Variants in GALNT2 observed in about 807,000 individuals in gnomAD.
GALNT2 encodes polypeptide N-acetylgalactosaminyltransferase 2.
A neutral mutation model predicts 81.4 loss-of-function variants in GALNT2; 31 were observed. The ratio of observed to expected loss-of-function variants is 0.38; its 90% CI spans 0.29 to 0.51. The LOEUF (loss-of-function observed/expected upper bound fraction) is 0.51. Among genes scored for constraint, GALNT2 ranks in the 20% least tolerant of loss-of-function variants. GALNT2 has a pLI of 0.87. For missense variants in GALNT2, 629 were observed against 765.7 expected (o/e 0.82, Z 2.11); for synonymous variants, 303 against 287.4 (o/e 1.05, Z -0.55).
intron 3 of GALNT2, among the ~76,000 whole-genome samples, chr1:230,204,017 A>G (rs1663985700): frequency 6.6e-6 from 1 of 152,132 alleles, no homozygotes; most frequent in African/African-American, 2.4e-5. Context: ...TTTTATTTTT[A>G]TTTTTTGGTA....
In GALNT2 at chr1:230,257,391, T is replaced by G. The variant is rs539261659; in HGVS notation, c.1136+2047T>G. On this transcript the variant is annotated intron_variant, in intron 11 of 15. Coordinates refer to ENST00000366672, the MANE Select transcript of GALNT2 (RefSeq NM_004481.5). This position sits in a 1 kb window ranked among gnomAD's most constrained non-coding sequence, Gnocchi z 4.6. Reference sequence around the variant, plus strand: ...TACAGTCATGCACCTGTAACAGCGTTTCGGTCGGTGACAGTAGTCCCATAA... The same window carrying G: ...TACAGTCATGCACCTGTAACAGCGTGTCGGTCGGTGACAGTAGTCCCATAA... 1.2e-4 allele frequency among the ~76,000 whole-genome samples: 19 copies of G among 152,346 alleles called. No individual in the cohort carries two copies. The South Asian group carries it at 3.9e-3, about 32-fold the overall frequency.
chr1:230,131,706 G>C (rs1661373654), intron 1 of GALNT2, among the ~76,000 whole-genome samples: 1 of 152,224 alleles, frequency 6.6e-6, no homozygotes, highest in African/African-American at 2.4e-5. Flanking sequence ...GAGAGATAAG[G>C]CAGGGGCTTG....
chr1:230,097,345 C>T (rs1660281816), intron 1 of GALNT2, among the ~76,000 whole-genome samples: 1 of 152,126 alleles, frequency 6.6e-6, no homozygotes, highest in Non-Finnish European at 1.5e-5. Flanking sequence ...ACCGTACATC[C>T]ACGGAGCTCT....
At position 230,279,195 on chromosome 1, in the gene GALNT2, G is replaced by GTC; in HGVS notation, c.1561-106_1561-105dup. 1 of 1,216,222 alleles carries GTC rather than the reference G, an allele frequency of 8.2e-7. No individual in the cohort carries two copies. The highest frequency in any genetic ancestry group is 1.1e-6 in the Non-Finnish European group (1 of 881,062). The allele number at this position is 1,216,222 out of a possible 1,614,324, so 75.3% of individuals were successfully genotyped here. A position where few individuals can be genotyped will look rare whatever the true frequency, so the allele number is the denominator to read the frequency against. On this transcript the variant is annotated intron_variant, in intron 15 of 15. Coordinates refer to ENST00000366672, the MANE Select transcript of GALNT2 (RefSeq NM_004481.5). This position sits in a 1 kb window ranked among gnomAD's most constrained non-coding sequence, Gnocchi z 4.6. ...TCAGATGAGAGGCTGGGAAAAACGTGTCTATCTGTGAGTTTTTAATGCAGC... is the reference window on the plus strand; with the variant it reads ...TCAGATGAGAGGCTGGGAAAAACGTGTCTCTATCTGTGAGTTTTTAATGCAGC...
intron 1 of GALNT2, among the ~76,000 whole-genome samples, chr1:230,130,884 G>A (rs1165369293): frequency 6.6e-6 from 1 of 152,178 alleles, no homozygotes; most frequent in Non-Finnish European, 1.5e-5. Flanking sequence ...GGAAAGCACT[G>A]GGAGGGCTGG....
chr1:230,139,297 T>C (rs566529801), intron 1 of GALNT2, among the ~76,000 whole-genome samples: 19 of 152,328 alleles, frequency 1.2e-4, no homozygotes, highest in African/African-American at 4.3e-4. Flanking sequence ...AGAATCCCGA[T>C]GTTATCGTTG....
At position 230,279,202 on chromosome 1, in the gene GALNT2, T is replaced by C; in HGVS notation, c.1561-101T>C. Reference sequence around the variant, plus strand: ...AGAGGCTGGGAAAAACGTGTCTATCTGTGAGTTTTTAATGCAGCCACAAGG... The same window carrying C: ...AGAGGCTGGGAAAAACGTGTCTATCCGTGAGTTTTTAATGCAGCCACAAGG... On this transcript the variant is annotated intron_variant, in intron 15 of 15. Coordinates refer to ENST00000366672, the MANE Select transcript of GALNT2 (RefSeq NM_004481.5). This position sits in a 1 kb window ranked among gnomAD's most constrained non-coding sequence, Gnocchi z 4.6. 7.8e-7 allele frequency: 1 copy of C among 1,284,730 alleles called. No homozygotes were observed. Among genetic ancestry groups the C allele is most frequent in the East Asian group, 2.6e-5 (1 of 38,518 alleles). The allele number at this position is 1,284,730 out of a possible 1,614,324, so 79.6% of individuals were successfully genotyped here.
chr1:230,220,441 G>A (rs1382668555), intron 3 of GALNT2, among the ~76,000 whole-genome samples: 1 of 152,008 alleles, frequency 6.6e-6, no homozygotes, highest in African/African-American at 2.4e-5. Flanking sequence ...AGGGGAGCAG[G>A]GCATAAAGGG....
intron 2 of GALNT2, among the ~76,000 whole-genome samples, chr1:230,185,365 T>A (rs1270431031): frequency 6.6e-6 from 1 of 151,986 alleles, no homozygotes; most frequent in Non-Finnish European, 1.5e-5. Context: ...GAAAGCTGGA[T>A]GTGATGGACT....
At chr1:230,150,466 C>G (rs1452973530) in intron 1 of GALNT2, among the ~76,000 whole-genome samples, 2 of 152,234 alleles carry the variant, frequency 1.3e-5, no homozygotes, top group Admixed American at 1.3e-4. Flanking sequence ...ACAACTCCTT[C>G]CACTTCCTCT....
chr1:230,183,823 C>A (rs1663233212), intron 2 of GALNT2, among the ~76,000 whole-genome samples: 3 of 151,900 alleles, frequency 2.0e-5, no homozygotes, highest in African/African-American at 7.3e-5. Context: ...ACAAAAAATA[C>A]AAAAATTAGC....
At chr1:230,124,441 T>TA (rs1661113442) in intron 1 of GALNT2, among the ~76,000 whole-genome samples, 1 of 152,152 alleles carries the variant, frequency 6.6e-6, no homozygotes, top group South Asian at 2.1e-4. Flanking sequence ...GTGTTAATGT[T>TA]ACTAAAAAGC....
At chr1:230,178,658 C>G (rs1329030501) in intron 2 of GALNT2, among the ~76,000 whole-genome samples, 1 of 152,000 alleles carries the variant, frequency 6.6e-6, no homozygotes, top group Non-Finnish European at 1.5e-5. Context: ...ACAGAGAATT[C>G]CTGTATACCT....
At chr1:230,158,397 G>T (rs925697499) in intron 1 of GALNT2, among the ~76,000 whole-genome samples, 1 of 152,216 alleles carries the variant, frequency 6.6e-6, no homozygotes, top group African/African-American at 2.4e-5. Flanking sequence ...CAGAGATGGG[G>T]AAACTAAGGC....
intron 1 of GALNT2, among the ~76,000 whole-genome samples, chr1:230,137,297 G>T (rs1661579772): frequency 6.6e-6 from 1 of 152,254 alleles, no homozygotes; most frequent in Non-Finnish European, 1.5e-5. Flanking sequence ...GGTTGGTTCT[G>T]TGTGACAGCC....
chr1:230,247,112 G>A (rs1334448410), intron 8 of GALNT2, among the ~76,000 whole-genome samples: 1 of 151,700 alleles, frequency 6.6e-6, no homozygotes, highest in Non-Finnish European at 1.5e-5. Flanking sequence ...GCGTGTGATG[G>A]CATGCCAGCT....
intron 14 of GALNT2, among the ~76,000 whole-genome samples, chr1:230,268,689 C>A (rs1211967515): frequency 6.6e-6 from 1 of 152,160 alleles, no homozygotes; most frequent in African/African-American, 2.4e-5. Flanking sequence ...GAGTCTGGGC[C>A]CTGTGGAGGT....
chr1:230,089,357 C>T (rs1659992391), intron 1 of GALNT2, among the ~76,000 whole-genome samples: 1 of 151,840 alleles, frequency 6.6e-6, no homozygotes, highest in Non-Finnish European at 1.5e-5. Flanking sequence ...GATGGGGTTT[C>T]GCCATGTTGG....
intron 1 of GALNT2, among the ~76,000 whole-genome samples, chr1:230,082,862 A>G (rs1193434527): frequency 6.6e-6 from 1 of 152,128 alleles, no homozygotes; most frequent in African/African-American, 2.4e-5. Flanking sequence ...ACGACTGGAT[A>G]ATGGAGCATG....
Sources: allele counts gnomAD v4.1 joint callset (sites outside exome capture counted in the v4.1 genomes callset), GRCh38; gene constraint gnomAD v4.1.1; non-coding constraint Gnocchi (gnomAD v3.1); transcripts MANE v1.5; gene names NCBI Gene and HGNC (gene_info 2026-07-23, HGNC 2026-07-21).